The following RELN variants were observed in gnomAD, a reference collection of about 807,000 sequenced individuals.
RELN encodes the protein reelin.
RELN carries 108 observed loss-of-function variants against 427.6 expected under a neutral mutation model. The observed-to-expected ratio is 0.25, with a 90% CI of 0.22 to 0.30. The LOEUF is 0.30. Ranked by LOEUF, RELN falls within the 10% of genes least tolerant of loss-of-function variation. The pLI is 1.00. For synonymous variants in RELN, 1,524 were observed against 1,513.4 expected (o/e 1.01, Z -0.16); for missense variants, 3,715 against 4,302.8 (o/e 0.86, Z 3.82).
rs150148125 is a variant in RELN at position 103,561,663 on chromosome 7, G to A, written c.5398C>T (p.Leu1800=). The change falls in exon 36 of 65, where the codon CTG becomes TTG. Residue 1800 remains leucine (L), a synonymous_variant. Transcript: ENST00000428762. Reference sequence around the variant, plus strand: ...AAATCGTCTTTAAGAATCGAGGGCAGAGGAACAACAGGAACACAATAGGGT... The same window carrying A: ...AAATCGTCTTTAAGAATCGAGGGCAAAGGAACAACAGGAACACAATAGGGT... ...GGPYCVPVVP[L]PSILKDDFNG... is the part of the protein sequence containing the mutation. 2 of 1,614,010 alleles carry A rather than the reference G, an allele frequency of 1.2e-6. No homozygotes were observed. Among genetic ancestry groups the A allele is most frequent in the Middle Eastern group, 1.6e-4 (1 of 6,062 alleles).
intron 47 of RELN, among the ~76,000 whole-genome samples, chr7:103,522,490 T>A (rs1280043357): frequency 6.6e-6 from 1 of 152,156 alleles, no homozygotes; most frequent in Non-Finnish European, 1.5e-5. Context: ...CACACAGCTC[T>A]GAAGGGCTGA....
intron 1 of RELN, among the ~76,000 whole-genome samples, chr7:103,963,384 G>A (rs376188937): frequency 6.6e-6 from 1 of 152,250 alleles, no homozygotes; most frequent in South Asian, 2.1e-4. Flanking sequence ...AATTCTCAAT[G>A]TATAAGCAGA....
At chr7:103,683,236 T>C (rs1474571243) in intron 10 of RELN, among the ~76,000 whole-genome samples, 1 of 152,154 alleles carries the variant, frequency 6.6e-6, no homozygotes, top group Non-Finnish European at 1.5e-5. Context: ...GTGAGTTCTG[T>C]AGGGCAAGGA....
intron 6 of RELN, among the ~76,000 whole-genome samples, chr7:103,732,379 G>C (rs1790375907): frequency 6.6e-6 from 1 of 152,020 alleles, no homozygotes; most frequent in African/African-American, 2.4e-5. Flanking sequence ...ATTATTGGTG[G>C]TGGGGTTCAT....
At chr7:103,586,897 A>G (rs955587989) in intron 28 of RELN, among the ~76,000 whole-genome samples, 5 of 152,204 alleles carry the variant, frequency 3.3e-5, no homozygotes, top group East Asian at 1.9e-4. Context: ...ACAAAAACAA[A>G]TGGAAAAAAT....
At chr7:103,643,959 C>T (rs1449408821) in intron 16 of RELN, among the ~76,000 whole-genome samples, 1 of 151,820 alleles carries the variant, frequency 6.6e-6, no homozygotes, top group African/African-American at 2.4e-5. Flanking sequence ...ATGCCCAGTA[C>T]ATCACTACTA....
chr7:103,547,248 C>A (rs1254930271), intron 41 of RELN, among the ~76,000 whole-genome samples: 1 of 152,152 alleles, frequency 6.6e-6, no homozygotes, highest in Non-Finnish European at 1.5e-5. Flanking sequence ...ATTTGTTAGG[C>A]TTCTAAAATT....
chr7:103,932,207 T>A (rs951948921), intron 1 of RELN, among the ~76,000 whole-genome samples: 2 of 152,104 alleles, frequency 1.3e-5, no homozygotes. Flanking sequence ...TACACAGCCA[T>A]AGAAAAGAAC....
In RELN at chr7:103,920,575, T is replaced by G. The variant is rs1011957925; in HGVS notation, c.227-3390A>C. ...TGTTGTACCAGTCTTTGGTTTTTTT[T>G]TTTGTTTTTTTTTTTTTTGAGAGAG... On this transcript the variant is annotated intron_variant, in intron 1 of 64. Transcript: ENST00000428762. 3.5e-3 allele frequency among the ~76,000 whole-genome samples: 392 copies of G among 112,724 alleles called. 3 individuals are homozygous for G. Among genetic ancestry groups the G allele is most frequent in the African/African-American group, 0.016 (370 of 22,898 alleles). The allele number at this position is 112,724 out of a possible 152,430, so 74.0% of individuals were successfully genotyped here. A position where few individuals can be genotyped will look rare whatever the true frequency, so the allele number is the denominator to read the frequency against.
intron 2 of RELN, among the ~76,000 whole-genome samples, chr7:103,870,603 C>A (rs552467720): frequency 6.6e-6 from 1 of 152,040 alleles, no homozygotes. Flanking sequence ...CAAAGCATGA[C>A]CCTTCTGGCC....
At chr7:103,789,135 A>G (rs1307877120) in intron 3 of RELN, among the ~76,000 whole-genome samples, 3 of 152,234 alleles carry the variant, frequency 2.0e-5, no homozygotes, top group Non-Finnish European at 4.4e-5. Context: ...CTGGCTAGCC[A>G]TATGCAGAAA....
At chr7:103,600,402 G>A (rs543978878) in intron 24 of RELN, among the ~76,000 whole-genome samples, 4 of 152,238 alleles carry the variant, frequency 2.6e-5, no homozygotes, top group South Asian at 2.1e-4. Context: ...GTGACTGGCC[G>A]CCAGGAGTCT....
intron 2 of RELN, among the ~76,000 whole-genome samples, chr7:103,877,186 G>T (rs1453383217): frequency 1.3e-5 from 2 of 152,010 alleles, no homozygotes; most frequent in African/African-American, 2.4e-5. Context: ...TCTCCTGCAG[G>T]GTGATCTCAT....
intron 1 of RELN, among the ~76,000 whole-genome samples, chr7:103,961,989 GGTGGAGAAGCCTTC>G (rs1406254736): frequency 2.0e-5 from 3 of 152,060 alleles, no homozygotes; most frequent in Non-Finnish European, 4.4e-5. Flanking sequence ...AGGGGTGAGG[GGTGGAGAAGCCTTC>G]TCAAAGTTCT....
In RELN at chr7:103,989,458, G is replaced by C; in HGVS notation, c.-102C>G. The C allele has an allele frequency of 3.8e-6, 4 of 1,045,936 alleles. No homozygotes were observed. Among genetic ancestry groups the C allele is most frequent in the Non-Finnish European group, 5.1e-6 (4 of 787,790 alleles). The allele number at this position is 1,045,936 out of a possible 1,614,324, so 64.8% of individuals were successfully genotyped here. A position where few individuals can be genotyped will look rare whatever the true frequency, so the allele number is the denominator to read the frequency against. ...GAGCCACGCGGAGAGAAGGCGAGAA[G>C]AAGGCGGACGGGAGCGGAACGGGCT... On this transcript the variant is annotated 5_prime_UTR_variant, in exon 1 of 65. Coordinates refer to ENST00000428762, the MANE Select transcript of RELN (RefSeq NM_005045.4). The surrounding 1 kb of genome is among the most constrained non-coding windows in gnomAD (Gnocchi z 4.9).
At chr7:103,668,736 A>G (rs371864284) in intron 11 of RELN, among the ~76,000 whole-genome samples, 1 of 152,226 alleles carries the variant, frequency 6.6e-6, no homozygotes, top group African/African-American at 2.4e-5. Context: ...CAAATTAACC[A>G]GGAGCCTCTC....
At chr7:103,857,639 T>C (rs1348267362) in intron 2 of RELN, among the ~76,000 whole-genome samples, 3 of 152,182 alleles carry the variant, frequency 2.0e-5, no homozygotes, top group Non-Finnish European at 4.4e-5. Flanking sequence ...TGGATGCTTG[T>C]GCCCAGTGCA....
At chr7:103,896,582 G>C (rs1794965395) in intron 2 of RELN, among the ~76,000 whole-genome samples, 1 of 152,040 alleles carries the variant, frequency 6.6e-6, no homozygotes, top group Admixed American at 6.6e-5. Context: ...ACAAAACAGA[G>C]ATTGCCTCTG....
At chr7:103,766,589 C>T (rs1791429877) in intron 4 of RELN, among the ~76,000 whole-genome samples, 1 of 152,218 alleles carries the variant, frequency 6.6e-6, no homozygotes, top group Non-Finnish European at 1.5e-5. Flanking sequence ...TTAAACACCC[C>T]ATTCACATTC....
Sources: gnomAD v4.1 joint callset for allele counts (sites outside exome capture counted in the v4.1 genomes callset) on GRCh38, gnomAD v4.1.1 for gene constraint, Gnocchi (gnomAD v3.1) non-coding constraint, MANE v1.5 for transcripts, NCBI Gene and HGNC (gene_info 2026-07-23, HGNC 2026-07-21) for gene names.